Variants in SLC16A12 observed in about 807,000 individuals in gnomAD.
The protein encoded by SLC16A12 is monocarboxylate transporter 12.
In SLC16A12, 17 loss-of-function variants were observed where a neutral mutation model predicts 42.4. The ratio of observed to expected loss-of-function variants is 0.40; its 90% CI spans 0.27 to 0.60. The LOEUF is 0.60. Ranked by LOEUF, SLC16A12 falls within the 20% of genes least tolerant of loss-of-function variation. SLC16A12 has a pLI of 0.42. For synonymous variants in SLC16A12, 224 were observed against 229.4 expected (o/e 0.98, Z 0.21); for missense variants, 544 against 623.0 (o/e 0.87, Z 1.35).
chr10:89,512,368 G>C (rs1035294050), intron 2 of SLC16A12, among the ~76,000 whole-genome samples: 3 of 152,184 alleles, frequency 2.0e-5, no homozygotes, highest in Non-Finnish European at 4.4e-5. Context: ...GCACACTAAT[G>C]AGATGACTAG....
Position 89,438,834 on chromosome 10 carries a change from G to A in SLC16A12, c.798C>T (p.Cys266=). 2 of 1,614,172 alleles carry A rather than the reference G, an allele frequency of 1.2e-6. No homozygotes were observed. The highest frequency in any genetic ancestry group is 1.7e-6 in the Non-Finnish European group (2 of 1,180,032). The part of the protein sequence containing the change: ...SSLTKEWAQT[C]LCCCLQQEYS... Reference sequence around the variant, plus strand: ...ACTCTTGCTGCAAACAGCAACAGAGGCAAGTCTGTGCCCATTCTTTGGTCA... The same window carrying A: ...ACTCTTGCTGCAAACAGCAACAGAGACAAGTCTGTGCCCATTCTTTGGTCA... Residue 266 remains cysteine, a synonymous_variant, in exon 6 of 8, where the codon TGC becomes TGT. Coordinates refer to ENST00000371790, the MANE Select transcript of SLC16A12 (RefSeq NM_213606.4).
chr10:89,461,552 C>T (rs1342461908), intron 3 of SLC16A12, among the ~76,000 whole-genome samples: 3 of 152,180 alleles, frequency 2.0e-5, no homozygotes, highest in Admixed American at 6.5e-5. Context: ...TACCCCTTTT[C>T]CTCATCCCTA....
intron 3 of SLC16A12, among the ~76,000 whole-genome samples, chr10:89,448,565 G>A (rs891647960): frequency 7.2e-5 from 11 of 152,100 alleles, no homozygotes; most frequent in African/African-American, 2.2e-4. Context: ...ATCCCTTCAT[G>A]CTAAAAACTC....
chr10:89,430,819 G>T lies in SLC16A12; in HGVS notation c.*2245C>A. The T allele has an allele frequency of 2.4e-6, 1 of 412,598 alleles. No homozygotes were observed. Among genetic ancestry groups the T allele is most frequent in the South Asian group, 1.8e-5 (1 of 56,358 alleles). The allele number at this position is 412,598 out of a possible 1,614,324, so 25.6% of individuals were successfully genotyped here. A position where few individuals can be genotyped will look rare whatever the true frequency, so the allele number is the denominator to read the frequency against. On this transcript the variant is annotated 3_prime_UTR_variant, in exon 8 of 8. Coordinates refer to ENST00000371790, the MANE Select transcript of SLC16A12 (RefSeq NM_213606.4). ...TGTAATACTTCACAGAAATTATATT[G>T]CAGAACCACATAAACAAAATTTTGT... is the stretch of plus-strand genomic sequence containing the variant.
chr10:89,468,351 TTCTC>T (rs1395148882), intron 2 of SLC16A12, among the ~76,000 whole-genome samples: 8 of 152,224 alleles, frequency 5.3e-5, no homozygotes, highest in African/African-American at 1.9e-4. Flanking sequence ...GATGCTATCT[TTCTC>T]TCTTTCTCAA....
At chr10:89,488,822 T>A (rs1054718885) in intron 2 of SLC16A12, among the ~76,000 whole-genome samples, 3 of 152,150 alleles carry the variant, frequency 2.0e-5, no homozygotes, top group African/African-American at 7.2e-5. Context: ...CACAGAGATA[T>A]TGAGATCTGG....
At chr10:89,553,911 C>T (rs1338446985) in intron 2 of SLC16A12, among the ~76,000 whole-genome samples, 2 of 151,532 alleles carry the variant, frequency 1.3e-5, no homozygotes, top group Non-Finnish European at 2.9e-5. Flanking sequence ...CAGAGAATAG[C>T]TTGAACCCGG....
At chr10:89,437,284 C>T (rs1589658333) in intron 6 of SLC16A12, among the ~76,000 whole-genome samples, 1 of 152,180 alleles carries the variant, frequency 6.6e-6, no homozygotes. Context: ...CCTGATAACT[C>T]CAAACCCATT....
At chr10:89,444,485 T>C (rs921122021) in intron 3 of SLC16A12, among the ~76,000 whole-genome samples, 1 of 152,158 alleles carries the variant, frequency 6.6e-6, no homozygotes, top group Admixed American at 6.5e-5. Flanking sequence ...TAAAATAAAA[T>C]AGTAAGTCTT....
chr10:89,534,063 T>G (rs182779466), intron 2 of SLC16A12, among the ~76,000 whole-genome samples: 1 of 152,234 alleles, frequency 6.6e-6, no homozygotes, highest in Non-Finnish European at 1.5e-5. Context: ...GTGAAGAGTT[T>G]GAATTTAGTA....
rs530312951 is a variant in SLC16A12, at chr10:89,555,876, C to T, written c.-47+6G>A. The T allele has an allele frequency of 2.0e-5, 3 of 151,340 alleles. No individual in the cohort carries two copies. The South Asian group carries it at 6.4e-4, about 32-fold the overall frequency. The allele number at this position is 151,340 out of a possible 1,614,324, so 9.4% of individuals were successfully genotyped here. The stretch of plus-strand genomic sequence containing the variant: ...CCCTTGTGTTTACTATTGGAACTTA[C>T]ATTACCTCTGCATGCTGATGATCTG... On this transcript the variant is annotated splice_donor_region_variant and intron_variant, in intron 2 of 2. Transcript: ENST00000475682.
At position 89,494,456 on chromosome 10, in the gene SLC16A12, G is replaced by A. The variant is rs1023610087; in HGVS notation, c.-46-31832C>T. ...ATTGGAATATGTTTCCATTAGCAGG[G>A]AATCAGTTGGGTAAGCTGTGGTACA... On this transcript the variant is annotated intron_variant, in intron 2 of 7. Transcript: ENST00000371790. 3.3e-5 allele frequency among the ~76,000 whole-genome samples: 5 copies of A among 152,316 alleles called. No homozygotes were observed. The East Asian group carries it at 9.6e-4, about 29-fold the overall frequency.
At chr10:89,501,272 AC>A (rs1842988086) in intron 2 of SLC16A12, among the ~76,000 whole-genome samples, 2 of 152,154 alleles carry the variant, frequency 1.3e-5, no homozygotes, top group African/African-American at 2.4e-5. Context: ...TCAAAATACC[AC>A]CATTATTCTT....
chr10:89,525,121 T>G (rs1843427600), intron 2 of SLC16A12, among the ~76,000 whole-genome samples: 1 of 148,786 alleles, frequency 6.7e-6, no homozygotes, highest in African/African-American at 2.5e-5. Context: ...CTCAGGAGGC[T>G]GAGGCAGGAG....
chr10:89,470,297 G>A (rs1842472568), intron 2 of SLC16A12, among the ~76,000 whole-genome samples: 1 of 152,204 alleles, frequency 6.6e-6, no homozygotes, highest in South Asian at 2.1e-4. Flanking sequence ...TAGGGACTAT[G>A]TTTCCCACTC....
chr10:89,503,683 C>T lies in SLC16A12; in HGVS notation c.-47+30818G>A, dbSNP rs147249830. Reference sequence around the variant, plus strand: ...CAAGAAGGGTGGGTGTTTTCAGAGTCGCTGGAGAAGGCAAGTCCACAATAA... The same window carrying T: ...CAAGAAGGGTGGGTGTTTTCAGAGTTGCTGGAGAAGGCAAGTCCACAATAA... On this transcript the variant is annotated intron_variant, in intron 2 of 7. Transcript: ENST00000371790. Among the ~76,000 whole-genome samples, 74 of 152,182 alleles carry T rather than the reference C, an allele frequency of 4.9e-4. 1 individual carries two copies. The East Asian group carries it at 0.012, about 25-fold the overall frequency.
rs576699876 is a variant in SLC16A12, at chr10:89,440,485, C to T, written c.448+623G>A. Among the ~76,000 whole-genome samples the T allele has an allele frequency of 6.6e-5, 10 of 152,294 alleles. No individual in the cohort carries two copies. In the South Asian group the frequency reaches 8.3e-4, roughly 13 times the overall value. ...GGCACAATGCCCAGACAGGAGTTGGCGCTACTCTCCACACCCCTTTGAGTG... is the reference window on the plus strand; with the variant it reads ...GGCACAATGCCCAGACAGGAGTTGGTGCTACTCTCCACACCCCTTTGAGTG... On this transcript the variant is annotated intron_variant, in intron 5 of 7. Transcript: ENST00000371790.
At chr10:89,487,224 A>C (rs1169714700) in intron 2 of SLC16A12, among the ~76,000 whole-genome samples, 5 of 152,202 alleles carry the variant, frequency 3.3e-5, no homozygotes, top group Non-Finnish European at 5.9e-5. Context: ...TTTAAAGGAA[A>C]TGCCCAGAAT....
chr10:89,441,588 AC>A (rs1841912969), intron 4 of SLC16A12, among the ~76,000 whole-genome samples: 1 of 152,210 alleles, frequency 6.6e-6, no homozygotes, highest in Non-Finnish European at 1.5e-5. Flanking sequence ...AGGGATGCTT[AC>A]TATAGTGTTG....
Sources: gnomAD v4.1 joint callset for allele counts (sites outside exome capture counted in the v4.1 genomes callset) on GRCh38, gnomAD v4.1.1 for gene constraint, MANE v1.5 for transcripts, NCBI Gene and HGNC (gene_info 2026-07-23, HGNC 2026-07-21) for gene names.